The following PDS5B variants were observed in gnomAD, a reference collection of about 807,000 sequenced individuals.
PDS5B encodes PDS5 cohesin associated factor B, also known as sister chromatid cohesion protein PDS5 homolog B.
Under a neutral mutation model 184.1 loss-of-function variants are expected in PDS5B, and 51 were observed. The ratio of observed to expected loss-of-function variants is 0.28; its 90% CI spans 0.22 to 0.35. The LOEUF (loss-of-function observed/expected upper bound fraction) is 0.35, where lower values mean the gene tolerates loss of function less well. Ranked by LOEUF, PDS5B falls within the 10% of genes least tolerant of loss-of-function variation. The pLI, the probability that PDS5B is intolerant of heterozygous loss-of-function variation, is 1.00. For synonymous variants in PDS5B, 566 were observed against 569.2 expected (o/e 0.99, Z 0.08); for missense variants, 1,180 against 1,723.3 (o/e 0.68, Z 5.58).
intron 20 of PDS5B, 39 bp downstream of exon 20, chr13:32,732,263 A>G: frequency 1.4e-6 from 2 of 1,393,428 alleles, no homozygotes; most frequent in Non-Finnish European, 2.0e-6. Context: ...TTCATATGTC[A>G]TAGTTACAAA....
chr13:32,637,132 G>T (rs950074690), intron 1 of PDS5B, among the ~76,000 whole-genome samples: 4 of 152,160 alleles, frequency 2.6e-5, no homozygotes, highest in African/African-American at 9.7e-5. Flanking sequence ...GATATGAAGA[G>T]ATTAGCTTAT....
At chr13:32,593,793 A>G (rs896013598) in intron 1 of PDS5B, among the ~76,000 whole-genome samples, 2 of 152,184 alleles carry the variant, frequency 1.3e-5, no homozygotes, top group African/African-American at 4.8e-5. Context: ...GTTGAGGAGA[A>G]GGAGGAAAAG....
At chr13:32,678,190 A>G (rs1001490742) in intron 9 of PDS5B, among the ~76,000 whole-genome samples, 4 of 152,228 alleles carry the variant, frequency 2.6e-5, no homozygotes, top group Non-Finnish European at 5.9e-5. Flanking sequence ...TACAGGAAAA[A>G]GAGTTGGAGG....
At chr13:32,620,560 G>C (rs2058284567) in intron 1 of PDS5B, among the ~76,000 whole-genome samples, 1 of 152,004 alleles carries the variant, frequency 6.6e-6, no homozygotes, top group African/African-American at 2.4e-5. Context: ...GGCAGGCTGA[G>C]GCGGGAGAAT....
intron 31 of PDS5B, among the ~76,000 whole-genome samples, chr13:32,765,477 A>G (rs1954554630): frequency 6.6e-6 from 1 of 152,212 alleles, no homozygotes; most frequent in Non-Finnish European, 1.5e-5. Context: ...CTTTCTCTAA[A>G]ATATTACTGC....
chr13:32,636,612 G>T (rs940080294), intron 1 of PDS5B, among the ~76,000 whole-genome samples: 1 of 152,136 alleles, frequency 6.6e-6, no homozygotes, highest in Admixed American at 6.5e-5. Flanking sequence ...CAGTTTCCTT[G>T]TTTATAAATG....
intron 19 of PDS5B, among the ~76,000 whole-genome samples, chr13:32,715,287 ATTC>A (rs1952342354): frequency 6.6e-6 from 1 of 152,208 alleles, no homozygotes; most frequent in Non-Finnish European, 1.5e-5. Context: ...AATGAAGGAT[ATTC>A]TTAAGTATAC....
At chr13:32,706,048 C>T (rs1027420521) in intron 17 of PDS5B, among the ~76,000 whole-genome samples, 4 of 151,964 alleles carry the variant, frequency 2.6e-5, no homozygotes, top group Admixed American at 1.3e-4. Flanking sequence ...GAGGCAAAGG[C>T]GGGCAGATCA....
intron 17 of PDS5B, among the ~76,000 whole-genome samples, chr13:32,704,077 T>C (rs1350564721): frequency 6.6e-6 from 1 of 152,248 alleles, no homozygotes; most frequent in Non-Finnish European, 1.5e-5. Context: ...CTTTGTGGTT[T>C]ATTTCAGCCT....
chr13:32,635,181 T>G (rs1458021137), intron 1 of PDS5B, among the ~76,000 whole-genome samples: 16 of 7,344 alleles, frequency 2.2e-3, no homozygotes, highest in African/African-American at 8.3e-3. Flanking sequence ...TTTTTTTTTT[T>G]TTTTTTTTTT....
At chr13:32,735,150 A>G in intron 20 of PDS5B, 22 bp from the exon 21 acceptor site, 1 of 1,490,466 alleles carries the variant, frequency 6.7e-7, no homozygotes, top group South Asian at 1.4e-5. Flanking sequence ...GTTGAAATAT[A>G]TTTTCCTCCC....
At chr13:32,643,123 GTC>G (rs1950140228) in intron 1 of PDS5B, among the ~76,000 whole-genome samples, 1 of 152,064 alleles carries the variant, frequency 6.6e-6, no homozygotes, top group South Asian at 2.1e-4. Context: ...AACAGCTTTT[GTC>G]TCTGAAATAA....
In PDS5B at chr13:32,728,846, A is replaced by G. The variant is rs144575985; in HGVS notation, c.2124-3255A>G. Among the ~76,000 whole-genome samples the G allele has an allele frequency of 7.5e-3, 1,139 of 152,310 alleles. 13 individuals are homozygous for G. The highest frequency in any genetic ancestry group is 0.026 in the African/African-American group (1,074 of 41,582). ...TAGTTACACCATTGTAATCTGAAGC[A>G]GAAGTCCTCTTGTTATAGTTTTTTA... On this transcript the variant is annotated intron_variant, in intron 19 of 34. Coordinates refer to ENST00000315596, the MANE Select transcript of PDS5B (RefSeq NM_015032.4).
intron 21 of PDS5B, among the ~76,000 whole-genome samples, chr13:32,737,800 A>G (rs1485729353): frequency 2.0e-5 from 3 of 152,196 alleles, no homozygotes; most frequent in Admixed American, 1.3e-4. Flanking sequence ...ATGAACACCT[A>G]TGAACTCTTA....
rs1168506858 is a variant in PDS5B, at chr13:32,770,649, A to C, written c.4065-5A>C. On this transcript the variant is annotated splice_region_variant and splice_polypyrimidine_tract_variant and intron_variant, in intron 32 of 34. Coordinates refer to ENST00000315596, the MANE Select transcript of PDS5B (RefSeq NM_015032.4). ...CTATCCACATTTGGGTCTTCCCCAA[A>C]GCAGAGCAGAATCTCCTGAATCTAG... 1 of 1,608,954 alleles carries C rather than the reference A, an allele frequency of 6.2e-7. No individual in the cohort carries two copies. Among genetic ancestry groups the C allele is most frequent in the African/African-American group, 1.3e-5 (1 of 74,616 alleles).
At chr13:32,676,531 T>G (rs1951067215) in intron 9 of PDS5B, among the ~76,000 whole-genome samples, 1 of 152,154 alleles carries the variant, frequency 6.6e-6, no homozygotes, top group Non-Finnish European at 1.5e-5. Context: ...CCTTGAAATA[T>G]TAAAAGCCCG....
At chr13:32,772,341 G>A (rs1462825016) in intron 33 of PDS5B, among the ~76,000 whole-genome samples, 2 of 152,138 alleles carry the variant, frequency 1.3e-5, no homozygotes, top group Non-Finnish European at 1.5e-5. Flanking sequence ...AGGTGCTAGG[G>A]ACACAAAACA....
intron 1 of PDS5B, among the ~76,000 whole-genome samples, chr13:32,589,326 A>G (rs2057737817): frequency 6.6e-6 from 1 of 152,198 alleles, no homozygotes; most frequent in African/African-American, 2.4e-5. Flanking sequence ...ATAAAAATTC[A>G]GGGTAGTACA....
At chr13:32,614,779 T>G (rs1449780756) in intron 1 of PDS5B, among the ~76,000 whole-genome samples, 1 of 152,216 alleles carries the variant, frequency 6.6e-6, no homozygotes, top group Non-Finnish European at 1.5e-5. Context: ...GTCAAAACAT[T>G]TTGGCTGTTG....
Sources: gnomAD v4.1 joint callset for allele counts (sites outside exome capture counted in the v4.1 genomes callset) on GRCh38, gnomAD v4.1.1 for gene constraint, MANE v1.5 for transcripts, NCBI Gene and HGNC (gene_info 2026-07-23, HGNC 2026-07-21) for gene names.